Variants in CNTN5 observed in about 807,000 individuals in gnomAD.
CNTN5 encodes contactin-5.
Under a neutral mutation model 129.1 loss-of-function variants are expected in CNTN5, and 77 were observed. The observed-to-expected ratio is 0.60, with a 90% confidence interval of 0.50 to 0.72. CNTN5 has a LOEUF of 0.72. Ranked by LOEUF, CNTN5 falls within the 30% of genes least tolerant of loss-of-function variation. The pLI, the probability that CNTN5 is intolerant of heterozygous loss-of-function variation, is 0.00. For synonymous variants in CNTN5, 509 were observed against 465.6 expected (o/e 1.09, Z -1.20); for missense variants, 1,478 against 1,328.8 (o/e 1.11, Z -1.75).
chr11:100,296,330 T>G (rs1186453392), intron 18 of CNTN5, among the ~76,000 whole-genome samples: 1 of 151,574 alleles, frequency 6.6e-6, no homozygotes, highest in Non-Finnish European at 1.5e-5. Flanking sequence ...TTACAGTTAT[T>G]GCTCTAATTG....
chr11:99,088,913 T>C (rs999472258), intron 1 of CNTN5, among the ~76,000 whole-genome samples: 1 of 152,222 alleles, frequency 6.6e-6, no homozygotes, highest in African/African-American at 2.4e-5. Flanking sequence ...ATTTATGTTA[T>C]ACACAAAAGA....
chr11:99,977,956 G>C (rs1456350126), intron 8 of CNTN5, among the ~76,000 whole-genome samples: 1 of 152,198 alleles, frequency 6.6e-6, no homozygotes, highest in Non-Finnish European at 1.5e-5. Context: ...TCACTTTACT[G>C]TATTTTGGTT....
intron 6 of CNTN5, among the ~76,000 whole-genome samples, chr11:99,910,428 A>G (rs1319285723): frequency 6.6e-6 from 1 of 152,126 alleles, no homozygotes; most frequent in Non-Finnish European, 1.5e-5. Flanking sequence ...TGCTAATTTA[A>G]TTTTTTTCTC....
intron 1 of CNTN5, among the ~76,000 whole-genome samples, chr11:99,191,645 A>G (rs1228393930): frequency 6.6e-6 from 1 of 151,898 alleles, no homozygotes; most frequent in Admixed American, 6.6e-5. Flanking sequence ...TGAAACTAGA[A>G]ATCAATAATA....
intron 1 of CNTN5, among the ~76,000 whole-genome samples, chr11:99,037,690 C>T (rs568766453): frequency 1.2e-4 from 18 of 148,188 alleles, no homozygotes; most frequent in Non-Finnish European, 2.2e-4. Context: ...AAGCAATTCT[C>T]TGCCTCAGCG....
chr11:99,055,711 T>G (rs147594363), intron 1 of CNTN5, among the ~76,000 whole-genome samples: 1 of 152,146 alleles, frequency 6.6e-6, no homozygotes, highest in East Asian at 1.9e-4. Context: ...ATAAAAAAAG[T>G]ACACTGCCTC....
At chr11:99,828,323 G>T (rs1415937585) in intron 4 of CNTN5, among the ~76,000 whole-genome samples, 1 of 152,134 alleles carries the variant, frequency 6.6e-6, no homozygotes, top group African/African-American at 2.4e-5. Context: ...CACAGGCTGG[G>T]TAATTTAAAA....
chr11:99,190,631 T>C (rs537846322), intron 1 of CNTN5, among the ~76,000 whole-genome samples: 1 of 151,776 alleles, frequency 6.6e-6, no homozygotes, highest in South Asian at 2.1e-4. Flanking sequence ...GCCTGAGTAT[T>C]TGATTTTTTT....
In CNTN5 at chr11:100,042,642, T is replaced by G. The variant is rs771011533; in HGVS notation, c.981-18570T>G. 4.7e-4 allele frequency among the ~76,000 whole-genome samples: 71 copies of G among 152,196 alleles called. 1 individual carries two copies. The highest frequency in any genetic ancestry group is 1.3e-4 in the Admixed American group (2 of 15,274). On this transcript the variant is annotated intron_variant, in intron 9 of 24. Coordinates refer to ENST00000524871, the MANE Select transcript of CNTN5 (RefSeq NM_014361.4). ...AAAAATGATCTTTAAAAAATACCTT[T>G]AATGACTTCAACAATGGCCAAAGTT...
intron 1 of CNTN5, among the ~76,000 whole-genome samples, chr11:99,247,462 A>G (rs953934921): frequency 2.0e-4 from 31 of 151,402 alleles, no homozygotes; most frequent in African/African-American, 7.3e-4. Flanking sequence ...TTTTATTATT[A>G]TTATTATTAT....
chr11:99,133,909 A>T (rs1475535279), intron 1 of CNTN5, among the ~76,000 whole-genome samples: 1 of 152,210 alleles, frequency 6.6e-6, no homozygotes, highest in South Asian at 2.1e-4. Context: ...ATTAGTGGGT[A>T]TATACGCAAA....
rs759012669 is a variant in CNTN5 at position 99,819,599 on chromosome 11, T to C, written c.111T>C (p.Ile37=). ...CTTCATATGCTGCTTTGTTAAGAAT[T>C]AAGAAGAGTTCATCTTCATCTCTCT... is the stretch of plus-strand genomic sequence containing the variant. The part of the protein sequence containing the change: ...LSTSYAALLR[I]KKSSSSSLFG... The change falls in exon 4 of 25, where the codon ATT becomes ATC. Residue 37 remains isoleucine (I), a synonymous_variant. Transcript: ENST00000524871. 5.0e-6 allele frequency: 8 copies of C among 1,612,838 alleles called. No individual in the cohort carries two copies. The African/African-American group carries it at 5.3e-5, about 11-fold the overall frequency.
chr11:99,963,535 G>A (rs1951009440), intron 8 of CNTN5, among the ~76,000 whole-genome samples: 1 of 152,110 alleles, frequency 6.6e-6, no homozygotes, highest in Admixed American at 6.6e-5. Flanking sequence ...TTTGATACTA[G>A]TACCATGCTG....
At chr11:99,920,355 G>T (rs769122086) in intron 7 of CNTN5, among the ~76,000 whole-genome samples, 104 of 152,120 alleles carry the variant, frequency 6.8e-4, no homozygotes, top group Middle Eastern at 6.8e-3. Flanking sequence ...CACTTTGTTA[G>T]TTTTCACCTG....
At position 100,357,149 on chromosome 11, in the gene CNTN5, A is replaced by G. The variant is rs2139053618; in HGVS notation, c.*929A>G. 1 of 151,876 alleles carries G rather than the reference A, an allele frequency of 6.6e-6. No homozygotes were observed. Among genetic ancestry groups the G allele is most frequent in the South Asian group, 2.1e-4 (1 of 4,830 alleles). The allele number at this position is 151,876 out of a possible 1,614,324, so 9.4% of individuals were successfully genotyped here. A position where few individuals can be genotyped will look rare whatever the true frequency, so the allele number is the denominator to read the frequency against. ...TTTCTTCTAATTGCAAAATTTTGCA[A>G]AAATTTTAAGGGCAATGAAAATTTG... is the stretch of plus-strand genomic sequence containing the variant. On this transcript the variant is annotated 3_prime_UTR_variant, in exon 25 of 25. Transcript: ENST00000524871.
At chr11:99,700,790 A>C (rs968902826) in intron 3 of CNTN5, among the ~76,000 whole-genome samples, 2 of 151,324 alleles carry the variant, frequency 1.3e-5, no homozygotes, top group Non-Finnish European at 3.0e-5. Flanking sequence ...TTGTTCATAC[A>C]ATGCATGGAA....
In CNTN5 at chr11:99,562,371, C is replaced by T. The variant is rs117431934; in HGVS notation, c.55+6102C>T. ...TTATCAGTCATATACAGGGAATATA[C>T]ATGTTAATAAACTTTTTTACTCCTG... On this transcript the variant is annotated intron_variant, in intron 3 of 24. Coordinates refer to ENST00000524871, the MANE Select transcript of CNTN5 (RefSeq NM_014361.4). Among the ~76,000 whole-genome samples, 611 of 152,192 alleles carry T rather than the reference C, an allele frequency of 4.0e-3. 24 individuals carry two copies. The East Asian group carries it at 0.097, about 24-fold the overall frequency.
At chr11:100,129,238 A>T (rs1380441338) in intron 13 of CNTN5, among the ~76,000 whole-genome samples, 1 of 152,154 alleles carries the variant, frequency 6.6e-6, no homozygotes, top group Non-Finnish European at 1.5e-5. Flanking sequence ...TGCCAGTTTA[A>T]GGTATATTTT....
At chr11:100,241,014 A>T (rs1949729805) in intron 16 of CNTN5, among the ~76,000 whole-genome samples, 1 of 152,206 alleles carries the variant, frequency 6.6e-6, no homozygotes, top group Non-Finnish European at 1.5e-5. Flanking sequence ...ATACACAGTA[A>T]ACCCAATATT....
Sources: gnomAD v4.1 joint callset for allele counts (sites outside exome capture counted in the v4.1 genomes callset) on GRCh38, gnomAD v4.1.1 for gene constraint, MANE v1.5 for transcripts, NCBI Gene and HGNC (gene_info 2026-07-23, HGNC 2026-07-21) for gene names.